TUSC3: variants seen among roughly 807,000 people sequenced by gnomAD.
TUSC3 encodes dolichyl-diphosphooligosaccharide--protein glycosyltransferase subunit TUSC3.
TUSC3 carries 45 observed loss-of-function variants against 44.8 expected under a neutral mutation model. The ratio of observed to expected loss-of-function variants is 1.00; its 90% CI spans 0.79 to 1.29. TUSC3 has a LOEUF of 1.29. Among genes scored for constraint, TUSC3 ranks in the 50% most tolerant of loss-of-function variants. The pLI is 0.00. For synonymous variants in TUSC3, 212 were observed against 152.9 expected (o/e 1.39, Z -2.85); for missense variants, 519 against 437.9 (o/e 1.19, Z -1.65).
rs1270296036 is a variant in TUSC3, at chr8:15,644,895, A to G, written c.309-5802A>G. 3.3e-5 allele frequency among the ~76,000 whole-genome samples: 5 copies of G among 152,226 alleles called. No homozygotes were observed. In the East Asian group the frequency reaches 9.7e-4, roughly 29 times the overall value. Reference sequence around the variant, plus strand: ...CCAAGTATTGTATTTGAGTCAAGAAAATGTGATTTGCTTTAGCTTCTGTGG... The same window carrying G: ...CCAAGTATTGTATTTGAGTCAAGAAGATGTGATTTGCTTTAGCTTCTGTGG... On this transcript the variant is annotated intron_variant, in intron 2 of 10. Transcript: ENST00000503731.
intron 9 of TUSC3, among the ~76,000 whole-genome samples, chr8:15,750,066 G>A (rs572952967): frequency 4.5e-4 from 67 of 148,838 alleles, no homozygotes; most frequent in African/African-American, 1.6e-3. Context: ...TGCAAGCTCC[G>A]CCTCCCAGGT....
At chr8:15,787,616 T>C in the TUSC3 span, among the ~76,000 whole-genome samples, 465 of 152,336 alleles carry the variant, frequency 3.1e-3, 2 homozygotes, top group African/African-American at 0.01. Context: ...TTCTATGATA[T>C]ATGGTTCCAA....
At chr8:15,648,974 C>CT (rs1429254743) in intron 2 of TUSC3, among the ~76,000 whole-genome samples, 1 of 151,928 alleles carries the variant, frequency 6.6e-6, no homozygotes, top group Non-Finnish European at 1.5e-5. Flanking sequence ...AGTCTCATGT[C>CT]TTCTGCCAGC....
chr8:15,679,138 G>T (rs1808307687), intron 6 of TUSC3, among the ~76,000 whole-genome samples: 1 of 152,132 alleles, frequency 6.6e-6, no homozygotes, highest in Non-Finnish European at 1.5e-5. Flanking sequence ...GAGATTGCTA[G>T]GTAGAATGGC....
upstream of TUSC3, among the ~76,000 whole-genome samples, chr8:15,536,653 G>T (rs1373622055): frequency 1.7e-5 from 2 of 120,014 alleles, no homozygotes; most frequent in African/African-American, 3.2e-5. Flanking sequence ...CTGCACGCCA[G>T]CCTGGGTGAC....
chr8:15,753,504 G>A lies in TUSC3; in HGVS notation c.1029-4287G>A, dbSNP rs182391307. Among the ~76,000 whole-genome samples, 9 of 152,148 alleles carry A rather than the reference G, an allele frequency of 5.9e-5. No individual in the cohort carries two copies. In the East Asian group the frequency reaches 1.7e-3, roughly 29 times the overall value. On this transcript the variant is annotated intron_variant, in intron 9 of 10. Coordinates refer to ENST00000503731, the MANE Select transcript of TUSC3 (RefSeq NM_006765.4). Reference sequence around the variant, plus strand: ...TAAACCAACAAAATACAGTGGACATGGGAGCATTATGAACAAAAAACCAGT... The same window carrying A: ...TAAACCAACAAAATACAGTGGACATAGGAGCATTATGAACAAAAAACCAGT...
intron 5 of TUSC3, among the ~76,000 whole-genome samples, chr8:15,666,564 T>G (rs549741932): frequency 6.6e-6 from 1 of 151,650 alleles, no homozygotes; most frequent in South Asian, 2.1e-4. Flanking sequence ...AGAAATTTAT[T>G]TCTTGTGACC....
At chr8:15,493,407 C>T (rs890866346) in intron 2 of TUSC3, among the ~76,000 whole-genome samples, 2 of 152,008 alleles carry the variant, frequency 1.3e-5, no homozygotes, top group African/African-American at 4.8e-5. Context: ...GTTATACAGG[C>T]ATGCCCCATC....
Position 15,693,348 on chromosome 8 carries a change from T to C in TUSC3, c.798+19512T>C, listed in dbSNP as rs573585283. 7.2e-5 allele frequency among the ~76,000 whole-genome samples: 11 copies of C among 152,104 alleles called. No individual in the cohort carries two copies. The East Asian group carries it at 2.1e-3, about 29-fold the overall frequency. ...TTCAGAACCTCTATTGAGGTGGTTC[T>C]GGTGGTCATGAATTCCCTTTCAGAA... On this transcript the variant is annotated intron_variant, in intron 6 of 10. Transcript: ENST00000503731.
At chr8:15,739,628 TTG>T (rs149796290) in intron 7 of TUSC3, among the ~76,000 whole-genome samples, 11,030 of 152,288 alleles carry the variant, frequency 0.072, 489 homozygotes, top group South Asian at 0.2. Context: ...AATGGCAATT[TTG>T]TGAGTTATTG....
At chr8:15,505,954 C>G (rs1216672144) in intron 2 of TUSC3, among the ~76,000 whole-genome samples, 2 of 152,212 alleles carry the variant, frequency 1.3e-5, no homozygotes, top group African/African-American at 4.8e-5. Context: ...AGTGATTAGG[C>G]TAAAAGCAAT....
intron 1 of TUSC3, among the ~76,000 whole-genome samples, chr8:15,548,600 T>C (rs897396986): frequency 3.3e-5 from 5 of 151,884 alleles, no homozygotes; most frequent in African/African-American, 1.2e-4. Context: ...TGACATGTCT[T>C]AGCCTTGTAA....
chr8:15,619,546 C>T (rs1267927864), intron 1 of TUSC3, among the ~76,000 whole-genome samples: 1 of 151,754 alleles, frequency 6.6e-6, no homozygotes. Context: ...GGCTGGAGTG[C>T]AGTGGCACGA....
intron 1 of TUSC3, among the ~76,000 whole-genome samples, chr8:15,459,867 TGTGTGTGTATAC>T (rs1488344760): frequency 1.3e-4 from 19 of 147,710 alleles, no homozygotes; most frequent in African/African-American, 5.0e-4. Context: ...TGTGTGTGTG[TGTGTGTGTATAC>T]ATACATACAT....
At chr8:15,430,283 A>T (rs1258676831) in intron 1 of TUSC3, among the ~76,000 whole-genome samples, 1 of 147,756 alleles carries the variant, frequency 6.8e-6, no homozygotes, top group Non-Finnish European at 1.5e-5. Context: ...ATCCACCATG[A>T]TCAAGTGGGC....
At chr8:15,598,518 A>G (rs912038058) in intron 1 of TUSC3, among the ~76,000 whole-genome samples, 2 of 151,784 alleles carry the variant, frequency 1.3e-5, no homozygotes, top group Admixed American at 6.6e-5. Flanking sequence ...GGTGTTGTAT[A>G]TTCTGTGGGT....
chr8:15,443,137 A>C (rs148508721), intron 1 of TUSC3, among the ~76,000 whole-genome samples: 104 of 151,792 alleles, frequency 6.9e-4, no homozygotes, highest in African/African-American at 2.3e-3. Flanking sequence ...AAAATCTGAC[A>C]TTTTTTTCTT....
Position 15,558,891 on chromosome 8 carries a change from CTCTTTT to C in TUSC3, c.138+18329_138+18334del, listed in dbSNP as rs1020444569. Among the ~76,000 whole-genome samples the C allele has an allele frequency of 1.3e-4, 20 of 151,510 alleles. 1 individual carries two copies. The highest frequency in any genetic ancestry group is 7.9e-4 in the Admixed American group (12 of 15,180). On this transcript the variant is annotated intron_variant, in intron 1 of 10. Coordinates refer to ENST00000503731, the MANE Select transcript of TUSC3 (RefSeq NM_006765.4). ...TTTTTATTGCGTCTGTTCGATTCTT[CTCTTTT>C]TCTTTATTAGTCTTGCTAGCGGTCT...
chr8:15,816,628 T>G, the TUSC3 span, among the ~76,000 whole-genome samples: 1 of 152,186 alleles, frequency 6.6e-6, no homozygotes, highest in Non-Finnish European at 1.5e-5. Flanking sequence ...AACTACCAGT[T>G]CATTCATTAC....
Sources: gnomAD v4.1 joint callset for allele counts (sites outside exome capture counted in the v4.1 genomes callset) on GRCh38, gnomAD v4.1.1 for gene constraint, MANE v1.5 for transcripts, NCBI Gene and HGNC (gene_info 2026-07-23, HGNC 2026-07-21) for gene names.